The following BRPF1 variants were observed in gnomAD, a reference collection of about 807,000 sequenced individuals.
The protein encoded by BRPF1 is bromodomain and PHD finger containing 1, also known as peregrin.
A neutral mutation model predicts 115.0 loss-of-function variants in BRPF1; 15 were observed. The ratio of observed to expected loss-of-function variants is 0.13; its 90% CI spans 0.09 to 0.20. The LOEUF is 0.20. Ranked by LOEUF, BRPF1 falls within the 10% of genes least tolerant of loss-of-function variation. The pLI is 1.00. For synonymous variants in BRPF1, 647 were observed against 619.8 expected (o/e 1.04, Z -0.65); for missense variants, 1,118 against 1,638.3 (o/e 0.68, Z 5.48).
Position 9,747,831 on chromosome 3 carries a change from T to C in BRPF1, c.*482T>C, listed in dbSNP as rs1328723990. 6.5e-6 allele frequency: 1 copy of C among 152,894 alleles called. No individual in the cohort carries two copies. The highest frequency in any genetic ancestry group is 2.4e-5 in the African/African-American group (1 of 41,300). 9.5% of individuals were successfully genotyped at this position (152,894 alleles called of 1,614,324 possible). ...TATCGGAGAATTTAAATTATTCTCA[T>C]TTGTAACTGCGTTTCCGGGTCGCGC... On this transcript the variant is annotated 3_prime_UTR_variant, in exon 14 of 14. Coordinates refer to ENST00000383829, the MANE Select transcript of BRPF1 (RefSeq NM_001003694.2). The surrounding 1 kb of genome is among the most constrained non-coding windows in gnomAD (Gnocchi z 5.6).
Position 9,739,434 on chromosome 3 carries a change from C to G in BRPF1, c.1035C>G (p.Asp345Glu), listed in dbSNP as rs755940931. 6.2e-7 allele frequency: 1 copy of G among 1,614,118 alleles called. No homozygotes were observed. Among genetic ancestry groups the G allele is most frequent in the Non-Finnish European group, 8.5e-7 (1 of 1,180,006 alleles). The change falls in exon 3 of 14, where the codon GAC (aspartate) becomes GAG (glutamate). Residue 345 changes from aspartate (D) to glutamate (E), a missense_variant. Physicochemically the swap from Asp to Glu is conservative, Grantham distance 45. Coordinates refer to ENST00000383829, the MANE Select transcript of BRPF1 (RefSeq NM_001003694.2). ...GCGGTGCCTTCAAGCAGACAGATGA[C>G]GGGCGCTGGGCCCATGTGGTGTGTG... ...NKGGAFKQTD[D>E]GRWAHVVCAL...
rs762309595 is a variant in BRPF1, at chr3:9,742,094, G to A, written c.1924G>A (p.Glu642Lys). ...PFLILLRKTL[E>K]QLQEKDTGNI... is the part of the protein sequence containing the mutation. ...CCTCATCCTCCTTCGCAAAACCTTG[G>A]AGCAGCTCCAAGAGAAGGACACAGG... The change falls in exon 6 of 14, where the codon GAG (glutamate) becomes AAG (lysine). Residue 642 changes from glutamate to lysine, a missense_variant. By Grantham distance (56) the Glu-to-Lys change is moderately conservative. This residue lies in a region of BRPF1 where 178 missense variants were observed against 303.7 expected (regional missense o/e 0.59). Coordinates refer to ENST00000383829, the MANE Select transcript of BRPF1 (RefSeq NM_001003694.2). The A allele has an allele frequency of 3.1e-6, 5 of 1,614,192 alleles. No individual in the cohort carries two copies. Among genetic ancestry groups the A allele is most frequent in the Non-Finnish European group, 4.2e-6 (5 of 1,180,038 alleles).
In BRPF1 at chr3:9,747,857, CAG is replaced by C. The variant is rs1474345728; in HGVS notation, c.*511_*512del. On this transcript the variant is annotated 3_prime_UTR_variant, in exon 14 of 14. Transcript: ENST00000383829. The surrounding 1 kb of genome is among the most constrained non-coding windows in gnomAD (Gnocchi z 5.6). ...TTGTAACTGCGTTTCCGGGTCGCGC[CAG>C]AGTCATTTGGTACTAAAAAAAAAAA... 1.3e-5 allele frequency: 2 copies of C among 150,482 alleles called. No homozygotes were observed. The highest frequency in any genetic ancestry group is 2.9e-5 in the Non-Finnish European group (2 of 67,870). 9.3% of individuals were successfully genotyped at this position (150,482 alleles called of 1,614,324 possible). A position where few individuals can be genotyped will look rare whatever the true frequency, so the allele number is the denominator to read the frequency against.
Position 9,745,457 on chromosome 3 carries a change from A to G in BRPF1, c.3069-116A>G. On this transcript the variant is annotated intron_variant, in intron 10 of 13. Transcript: ENST00000383829. The surrounding 1 kb of genome is among the most constrained non-coding windows in gnomAD (Gnocchi z 5.1). ...TGTTTGAATTTGAAATTCCTCATAT[A>G]GCCTCTGCTTTCCAAAAGTCTCAGA... is the stretch of plus-strand genomic sequence containing the variant. The G allele has an allele frequency of 8.0e-7, 1 of 1,242,958 alleles. No homozygotes were observed. The highest frequency in any genetic ancestry group is 1.1e-6 in the Non-Finnish European group (1 of 871,974). 77.0% of individuals were successfully genotyped at this position (1,242,958 alleles called of 1,614,324 possible). A position where few individuals can be genotyped will look rare whatever the true frequency, so the allele number is the denominator to read the frequency against.
chr3:9,743,921 G>A lies in BRPF1; in HGVS notation c.2635+20G>A. ...GCAAAGGTCTGAATCCCATGGCAAG[G>A]TGGACCCCAAAGCAAGTCAGACTTT... On this transcript the variant is annotated intron_variant, in intron 8 of 13. Transcript: ENST00000383829. The surrounding 1 kb of genome is among the most constrained non-coding windows in gnomAD (Gnocchi z 6.1). The A allele has an allele frequency of 1.3e-6, 2 of 1,545,496 alleles. No homozygotes were observed. The highest frequency in any genetic ancestry group is 1.2e-5 in the South Asian group (1 of 80,994).
chr3:9,741,855 G>A (rs981245810), intron 5 of BRPF1, among the ~76,000 whole-genome samples, 170 bp from the exon 6 acceptor site: 4 of 152,114 alleles, frequency 2.6e-5, no homozygotes, highest in Admixed American at 2.6e-4. Context: ...CAGAATTGTT[G>A]GTGCAAGTTT....
At chr3:9,736,833 G>GCATT (rs2076950246) in intron 2 of BRPF1, among the ~76,000 whole-genome samples, 1 of 152,198 alleles carries the variant, frequency 6.6e-6, no homozygotes, top group South Asian at 2.1e-4. Context: ...TCTCTTGCTT[G>GCATT]CATTCTAATA....
At chr3:9,742,246 AG>A (rs2077044132) in intron 6 of BRPF1, 75 bp downstream of exon 6, 1 of 1,581,506 alleles carries the variant, frequency 6.3e-7, no homozygotes, top group Non-Finnish European at 8.6e-7. Flanking sequence ...GGTCTGGGCC[AG>A]GACTAGATGG....
Position 9,745,565 on chromosome 3 carries a change from G to T in BRPF1, c.3069-8G>T. 1 of 1,613,898 alleles carries T rather than the reference G, an allele frequency of 6.2e-7. No homozygotes were observed. The highest frequency in any genetic ancestry group is 8.5e-7 in the Non-Finnish European group (1 of 1,179,838). ...CTTTGAGCTGAGCTCCCATTGTCTT[G>T]TCCACAGCACAACGCCCTCAAAACA... On this transcript the variant is annotated splice_polypyrimidine_tract_variant and splice_region_variant and intron_variant, in intron 10 of 13. Transcript: ENST00000383829. The surrounding 1 kb of genome is among the most constrained non-coding windows in gnomAD (Gnocchi z 5.1).
chr3:9,742,867 G>C (rs942238243), intron 6 of BRPF1, 77 bp from the exon 7 acceptor site: 19 of 1,481,362 alleles, frequency 1.3e-5, no homozygotes, highest in Non-Finnish European at 1.5e-5. Context: ...TGTGTTTCAG[G>C]GGGGCTTGTT....
chr3:9,742,910 C>G, intron 6 of BRPF1, 34 bp from the exon 7 acceptor site: 1 of 1,596,144 alleles, frequency 6.3e-7, no homozygotes. Context: ...AGGAGGATAT[C>G]TCCACTTAAA....
chr3:9,739,085 A>G lies in BRPF1; in HGVS notation c.686A>G (p.Asn229Ser). The G allele has an allele frequency of 6.2e-7, 1 of 1,613,592 alleles. No individual in the cohort carries two copies. The change falls in exon 3 of 14, where the codon AAT becomes AGT. Residue 229 changes from asparagine to serine, a missense_variant. By Grantham distance (46) the Asn-to-Ser change is conservative (BLOSUM62 1). Coordinates refer to ENST00000383829, the MANE Select transcript of BRPF1 (RefSeq NM_001003694.2). ...EEDYIWLDIM[N>S]ERRKTEGVSP... ...GACTACATCTGGCTGGATATCATGA[A>G]TGAGCGTCGGAAGACAGAGGGTGTA...
At chr3:9,732,743 G>A (rs79821493) in intron 1 of BRPF1, 1 of 152,422 alleles carries the variant, frequency 6.6e-6, no homozygotes, top group Non-Finnish European at 1.5e-5. Context: ...TGAAAATCAG[G>A]AGCCGTTGAC....
In BRPF1 at chr3:9,745,293, CTAAA is replaced by C. The variant is rs2077104024; in HGVS notation, c.3068+148_3068+151del. 4 of 1,113,924 alleles carry C rather than the reference CTAAA, an allele frequency of 3.6e-6. No individual in the cohort carries two copies. The highest frequency in any genetic ancestry group is 3.8e-6 in the Non-Finnish European group (3 of 796,798). The allele number at this position is 1,113,924 out of a possible 1,614,324, so 69.0% of individuals were successfully genotyped here. A position where few individuals can be genotyped will look rare whatever the true frequency, so the allele number is the denominator to read the frequency against. On this transcript the variant is annotated intron_variant, in intron 10 of 13. Transcript: ENST00000383829. This position sits in a 1 kb window ranked among gnomAD's most constrained non-coding sequence, Gnocchi z 5.1. ...GATGGCTCAAACTCAAGGTTCTCTG[CTAAA>C]TAAATAAATCAGTGTTACCATTAAT... is the stretch of plus-strand genomic sequence containing the variant.
chr3:9,741,050 T>C (rs1347559888), intron 4 of BRPF1, 109 bp downstream of exon 4: 3 of 1,255,832 alleles, frequency 2.4e-6, no homozygotes, highest in South Asian at 1.4e-5. Context: ...CTTTCCTCCT[T>C]TAAGCTAGCC....
At position 9,744,485 on chromosome 3, in the gene BRPF1, A is replaced by C; in HGVS notation, c.2897A>C (p.Lys966Thr). The C allele has an allele frequency of 6.5e-7, 1 of 1,541,832 alleles. No individual in the cohort carries two copies. Among genetic ancestry groups the C allele is most frequent in the East Asian group, 2.3e-5 (1 of 43,474 alleles). The change falls in exon 9 of 14, where the codon AAG becomes ACG. Residue 966 changes from lysine (K) to threonine (T), a missense_variant. Coordinates refer to ENST00000383829, the MANE Select transcript of BRPF1 (RefSeq NM_001003694.2). ...PSSSSDSDSD[K>T]STEDPPMDLP... ...TCGAGCTCAGACAGCGACAGTGATA[A>C]GTCCACAGAAGACCCCCCAATGGGT...
intron 1 of BRPF1, among the ~76,000 whole-genome samples, chr3:9,733,755 C>T (rs887630275): frequency 3.7e-4 from 56 of 152,126 alleles, no homozygotes; most frequent in African/African-American, 1.3e-3. Context: ...AGGACTAGGG[C>T]CAGTCAGTGA....
chr3:9,747,994 A>G lies in BRPF1; in HGVS notation c.*645A>G, dbSNP rs1559671473. On this transcript the variant is annotated 3_prime_UTR_variant, in exon 14 of 14. Transcript: ENST00000383829. This position sits in a 1 kb window ranked among gnomAD's most constrained non-coding sequence, Gnocchi z 5.6. ...AGGAAGAAAATATATTGATTCTTAG[A>G]AAATAAACTGTCAATTTAGAATTCT... The G allele has an allele frequency of 6.6e-6, 1 of 152,378 alleles. No individual in the cohort carries two copies. The highest frequency in any genetic ancestry group is 2.4e-5 in the African/African-American group (1 of 41,442). The allele number at this position is 152,378 out of a possible 1,614,324, so 9.4% of individuals were successfully genotyped here.
chr3:9,742,760 C>T (rs2077052472), intron 6 of BRPF1, among the ~76,000 whole-genome samples, 184 bp from the exon 7 acceptor site: 1 of 152,160 alleles, frequency 6.6e-6, no homozygotes, highest in Non-Finnish European at 1.5e-5. Context: ...GCCAAAGTCA[C>T]ACAGCTTGTG....
Sources: allele counts gnomAD v4.1 joint callset (sites outside exome capture counted in the v4.1 genomes callset), GRCh38; gene constraint gnomAD v4.1.1; regional missense constraint gnomAD v4.1.1; non-coding constraint Gnocchi (gnomAD v3.1); transcripts MANE v1.5; gene names NCBI Gene and HGNC (gene_info 2026-07-23, HGNC 2026-07-21).